RBPJ: variants seen among roughly 807,000 people sequenced by gnomAD.
RBPJ encodes recombination signal binding protein for immunoglobulin kappa J region.
RBPJ carries 9 observed loss-of-function variants against 67.8 expected under a neutral mutation model. The observed-to-expected ratio is 0.13, with a 90% CI of 0.08 to 0.23. The LOEUF (loss-of-function observed/expected upper bound fraction) is 0.23, where lower values mean the gene tolerates loss of function less well. Among genes scored for constraint, RBPJ ranks in the 10% least tolerant of loss-of-function variants. RBPJ has a pLI of 1.00. For synonymous variants in RBPJ, 198 were observed against 203.3 expected, an observed-to-expected ratio of 0.97 and a Z score of 0.22; for missense variants, 305 against 595.6, an observed-to-expected ratio of 0.51 and a Z score of 5.08.
chr4:26,362,424 A>T, intron 1 of RBPJ: 1 of 1,400,324 alleles, frequency 7.1e-7, no homozygotes, highest in Non-Finnish European at 9.3e-7. Flanking sequence ...TTAAGGCCTT[A>T]TTTTTTGTTT....
rs577561822 is a variant in RBPJ, at chr4:26,313,442, C to T, written c.-166-49004C>T. 5.8e-3 allele frequency among the ~76,000 whole-genome samples: 885 copies of T among 151,958 alleles called. 10 individuals carry two copies. The highest frequency in any genetic ancestry group is 0.02 in the African/African-American group (811 of 41,404). Reference sequence around the variant, plus strand: ...CAGCACTTTGGGAGACTGAGGCAGGCGGATCACGAGGTCAGGAGATCGAGA... The same window carrying T: ...CAGCACTTTGGGAGACTGAGGCAGGTGGATCACGAGGTCAGGAGATCGAGA... On this transcript the variant is annotated intron_variant, in intron 1 of 4. Transcript: ENST00000512351.
intron 1 of RBPJ, among the ~76,000 whole-genome samples, chr4:26,294,891 T>A (rs1721809709): frequency 1.3e-5 from 2 of 150,306 alleles, no homozygotes; most frequent in Admixed American, 1.3e-4. Flanking sequence ...AAAAAAAAAA[T>A]TATTACATGT....
chr4:26,377,620 C>T (rs996644987), intron 1 of RBPJ, among the ~76,000 whole-genome samples: 1 of 152,176 alleles, frequency 6.6e-6, no homozygotes, highest in African/African-American at 2.4e-5. Flanking sequence ...TTGTATTTCT[C>T]TTTGTGGAAA....
chr4:26,224,028 TAGAG>T (rs750389375), intron 1 of RBPJ, among the ~76,000 whole-genome samples: 26 of 152,308 alleles, frequency 1.7e-4, no homozygotes, highest in Admixed American at 2.6e-4. Flanking sequence ...GCTAAGATAA[TAGAG>T]AGAGTTTAGA....
the RBPJ span, among the ~76,000 whole-genome samples, chr4:26,124,415 CATATATATATATATATATATATAT>C: frequency 0.039 from 2,413 of 62,440 alleles, 194 homozygotes; most frequent in African/African-American, 0.12. Flanking sequence ...AGTATTCCAT[CATATATATATATATATATATATAT>C]ATATATATAT....
chr4:26,296,302 T>C (rs1721872438), intron 1 of RBPJ, among the ~76,000 whole-genome samples: 1 of 152,216 alleles, frequency 6.6e-6, no homozygotes, highest in Admixed American at 6.5e-5. Context: ...GCTCTTTTTT[T>C]CTTTTTTTAG....
In RBPJ at chr4:26,193,717, C is replaced by T. The variant is rs138438320; in HGVS notation, c.-167+30103C>T. Among the ~76,000 whole-genome samples the T allele has an allele frequency of 3.0e-4, 46 of 152,284 alleles. No homozygotes were observed. In the East Asian group the frequency reaches 7.3e-3, roughly 24 times the overall value. On this transcript the variant is annotated intron_variant, in intron 1 of 4. Transcript: ENST00000512351. ...GTCTTCACACAGCTCAAGCTTCACA[C>T]GGCAGCCAGAGGGAGCTTTTTAATC...
At chr4:26,182,304 T>G (rs909350866) in intron 1 of RBPJ, among the ~76,000 whole-genome samples, 2 of 151,992 alleles carry the variant, frequency 1.3e-5, no homozygotes, top group African/African-American at 2.4e-5. Context: ...ATCGCGCCAC[T>G]GCACTCCAGC....
intron 1 of RBPJ, among the ~76,000 whole-genome samples, chr4:26,308,853 A>G (rs1722333772): frequency 6.6e-6 from 1 of 152,204 alleles, no homozygotes; most frequent in East Asian, 1.9e-4. Flanking sequence ...GATAAAGGCC[A>G]TCTGTGTTCA....
chr4:26,227,000 G>T (rs1372531661), intron 1 of RBPJ, among the ~76,000 whole-genome samples: 1 of 152,184 alleles, frequency 6.6e-6, no homozygotes, highest in African/African-American at 2.4e-5. Flanking sequence ...AGCCCTGTAA[G>T]TGGCTCTTTT....
At chr4:26,305,600 C>T (rs914779808) in intron 1 of RBPJ, among the ~76,000 whole-genome samples, 1 of 151,874 alleles carries the variant, frequency 6.6e-6, no homozygotes, top group Non-Finnish European at 1.5e-5. Flanking sequence ...ATATTTAATA[C>T]TCATGCTATT....
At chr4:26,282,500 C>A (rs889013654) in intron 1 of RBPJ, among the ~76,000 whole-genome samples, 3 of 151,440 alleles carry the variant, frequency 2.0e-5, no homozygotes, top group Admixed American at 1.3e-4. Context: ...ATCAAATGAG[C>A]TTCATGTATT....
intron 1 of RBPJ, among the ~76,000 whole-genome samples, chr4:26,384,850 G>A (rs1458034455): frequency 1.8e-4 from 5 of 27,900 alleles, no homozygotes; most frequent in Non-Finnish European, 3.0e-4. Context: ...CTCCCCTCCC[G>A]CCTCTTGCCT....
At chr4:26,300,083 G>T (rs1029009242) in intron 1 of RBPJ, among the ~76,000 whole-genome samples, 2 of 152,178 alleles carry the variant, frequency 1.3e-5, no homozygotes, top group African/African-American at 4.8e-5. Flanking sequence ...TAAATTAAAA[G>T]ATTCTTGACT....
At chr4:26,375,043 A>T (rs934627986) in intron 1 of RBPJ, among the ~76,000 whole-genome samples, 5 of 151,728 alleles carry the variant, frequency 3.3e-5, no homozygotes, top group African/African-American at 1.2e-4. Flanking sequence ...TGGCTCATGC[A>T]TGTAATCCCA....
At chr4:26,246,284 T>C (rs1214214870) in intron 1 of RBPJ, among the ~76,000 whole-genome samples, 1 of 152,254 alleles carries the variant, frequency 6.6e-6, no homozygotes, top group Non-Finnish European at 1.5e-5. Flanking sequence ...GCACTGTTTT[T>C]GTTAAATTTA....
chr4:26,410,164 C>G, intron 3 of RBPJ: 1 of 367,850 alleles, frequency 2.7e-6, no homozygotes, highest in South Asian at 2.0e-5. Flanking sequence ...GGAAGAGGAT[C>G]TGTCTTCTTT....
intron 1 of RBPJ, among the ~76,000 whole-genome samples, chr4:26,333,774 C>T (rs777493672): frequency 3.3e-5 from 5 of 152,092 alleles, no homozygotes; most frequent in Non-Finnish European, 7.4e-5. Flanking sequence ...ACTGTAGCCT[C>T]GACCTCCCAG....
chr4:26,156,495 T>G, the RBPJ span, among the ~76,000 whole-genome samples: 4 of 144,168 alleles, frequency 2.8e-5, no homozygotes, highest in Non-Finnish European at 6.0e-5. Context: ...CTCAGCTCAC[T>G]GCAACCTCTG....
Sources: gnomAD v4.1 joint callset for allele counts (sites outside exome capture counted in the v4.1 genomes callset) on GRCh38, gnomAD v4.1.1 for gene constraint, MANE v1.5 for transcripts, NCBI Gene and HGNC (gene_info 2026-07-23, HGNC 2026-07-21) for gene names.